DNAH11: variants seen among roughly 807,000 people sequenced by gnomAD.
DNAH11 encodes the protein axonemal beta dynein heavy chain 11.
Under a neutral mutation model 526.0 loss-of-function variants are expected in DNAH11, and 442 were observed. The ratio of observed to expected loss-of-function variants is 0.84; its 90% CI spans 0.78 to 0.91. The LOEUF (loss-of-function observed/expected upper bound fraction) is 0.91. Among genes scored for constraint, DNAH11 ranks in the 40% least tolerant of loss-of-function variants. The pLI is 0.00. For missense variants in DNAH11, 6,989 were observed against 5,448.7 expected (o/e 1.28, Z -8.90); for synonymous variants, 2,461 against 1,935.9 (o/e 1.27, Z -7.12).
intron 68 of DNAH11, among the ~76,000 whole-genome samples, chr7:21,859,535 A>T (rs1782976811): frequency 6.6e-6 from 1 of 152,244 alleles, no homozygotes; most frequent in African/African-American, 2.4e-5. Flanking sequence ...AGCATTTCAG[A>T]TAAGACATAT....
chr7:21,745,204 A>T (rs1583652857), intron 51 of DNAH11, 141 bp downstream of exon 51: 1 of 895,060 alleles, frequency 1.1e-6, no homozygotes, highest in East Asian at 2.8e-5. Flanking sequence ...TAAAATATAA[A>T]AGGGTCGCTT....
intron 56 of DNAH11, among the ~76,000 whole-genome samples, chr7:21,777,897 G>A (rs540592636): frequency 2.8e-4 from 43 of 152,264 alleles, no homozygotes; most frequent in Middle Eastern, 6.8e-3. Flanking sequence ...ATGGGGCGTC[G>A]TTCCACAAGA....
At chr7:21,840,955 G>A (rs904216407) in intron 65 of DNAH11, among the ~76,000 whole-genome samples, 7 of 152,192 alleles carry the variant, frequency 4.6e-5, no homozygotes, top group Non-Finnish European at 7.3e-5. Context: ...GCCAAGGCGG[G>A]TGGATCACCT....
In DNAH11 at chr7:21,761,076, C is replaced by A. The variant is rs183109014; in HGVS notation, c.8941-4352C>A. On this transcript the variant is annotated intron_variant, in intron 54 of 81. Transcript: ENST00000409508. ...TCCTTGTGACAACTGGGGTTTACTT[C>A]AGGTTATCTGTAAAGTCGTGTAAAC... Among the ~76,000 whole-genome samples the A allele has an allele frequency of 3.7e-3, 566 of 152,212 alleles. 15 individuals are homozygous for A. Among genetic ancestry groups the A allele is most frequent in the Admixed American group, 0.033 (502 of 15,282 alleles).
intron 48 of DNAH11, among the ~76,000 whole-genome samples, chr7:21,740,047 G>C (rs9639395): frequency 3.3e-5 from 5 of 151,872 alleles, no homozygotes; most frequent in Non-Finnish European, 7.4e-5. Flanking sequence ...TGTATTATAC[G>C]TTCCAGGGGC....
At chr7:21,835,377 A>C (rs559554134) in intron 65 of DNAH11, among the ~76,000 whole-genome samples, 25 of 152,284 alleles carry the variant, frequency 1.6e-4, no homozygotes, top group African/African-American at 6.0e-4. Flanking sequence ...AAATAAAACC[A>C]ATCAAAATTC....
At chr7:21,665,979 A>G (rs1199382981) in intron 30 of DNAH11, among the ~76,000 whole-genome samples, 1 of 152,118 alleles carries the variant, frequency 6.6e-6, no homozygotes, top group Non-Finnish European at 1.5e-5. Flanking sequence ...TGTGCTTTTA[A>G]TTAAAATTAT....
chr7:21,802,872 C>A (rs1235605097), intron 62 of DNAH11, among the ~76,000 whole-genome samples: 1 of 151,532 alleles, frequency 6.6e-6, no homozygotes, highest in Non-Finnish European at 1.5e-5. Flanking sequence ...CTACTGGATA[C>A]ATGGTTTCTC....
chr7:21,894,581 C>T (rs944734630), intron 77 of DNAH11, 42 bp from the exon 78 acceptor site: 1 of 1,594,570 alleles, frequency 6.3e-7, no homozygotes, highest in Admixed American at 1.7e-5. Flanking sequence ...ATGACGAAAA[C>T]TGAAATAGAA....
At chr7:21,617,920 G>C (rs1027862976) in intron 23 of DNAH11, 143 bp downstream of exon 23, 4 of 983,020 alleles carry the variant, frequency 4.1e-6, no homozygotes, top group Non-Finnish European at 5.6e-6. Flanking sequence ...CCTTTTTGCT[G>C]TCTAGAAAAA....
intron 40 of DNAH11, among the ~76,000 whole-genome samples, chr7:21,710,212 A>G (rs1784409241): frequency 6.6e-6 from 1 of 152,222 alleles, no homozygotes; most frequent in African/African-American, 2.4e-5. Flanking sequence ...ATGTGTATGA[A>G]GAAGGATCAT....
chr7:21,569,604 A>G (rs1783802004), intron 6 of DNAH11, among the ~76,000 whole-genome samples: 1 of 152,198 alleles, frequency 6.6e-6, no homozygotes, highest in South Asian at 2.1e-4. Context: ...ACTTGAAAGA[A>G]TTTCCACTGT....
chr7:21,688,048 C>G (rs1200406014), intron 34 of DNAH11, among the ~76,000 whole-genome samples: 2 of 152,270 alleles, frequency 1.3e-5, no homozygotes, highest in East Asian at 3.9e-4. Flanking sequence ...GGAGACAGAG[C>G]AAGACCCTTT....
In DNAH11 at chr7:21,720,841, C is replaced by T; in HGVS notation, c.7251C>T (p.Thr2417=). 1 of 1,612,702 alleles carries T rather than the reference C, an allele frequency of 6.2e-7. No homozygotes were observed. The highest frequency in any genetic ancestry group is 8.5e-7 in the Non-Finnish European group (1 of 1,179,306). ...VFACIWAFGG[T]LLQDQISDYQ... ...CTTGTATCTGGGCTTTTGGAGGCAC[C>T]CTGCTACAAGATCAGGTATGTTTAG... Residue 2417 remains threonine (T), a synonymous_variant, in exon 44 of 82, where the codon ACC becomes ACT. Transcript: ENST00000409508.
chr7:21,708,350 G>A (rs1413391029), intron 40 of DNAH11, among the ~76,000 whole-genome samples: 6 of 152,178 alleles, frequency 3.9e-5, no homozygotes, highest in Non-Finnish European at 8.8e-5. Flanking sequence ...CAACCTCACA[G>A]CGAATCCTAT....
intron 67 of DNAH11, 98 bp from the exon 68 acceptor site, chr7:21,854,217 C>G: frequency 1.5e-6 from 2 of 1,314,860 alleles, no homozygotes; most frequent in Non-Finnish European, 2.1e-6. Context: ...TTTTAATACT[C>G]ATAATTTTTC....
intron 31 of DNAH11, 47 bp from the exon 32 acceptor site, chr7:21,683,737 C>G (rs577337071): frequency 6.8e-7 from 1 of 1,472,912 alleles, no homozygotes; most frequent in East Asian, 2.3e-5. Flanking sequence ...AACTTGTTGC[C>G]CCAAACTACC....
At chr7:21,563,910 G>A (rs1018732603) in intron 5 of DNAH11, among the ~76,000 whole-genome samples, 2 of 152,130 alleles carry the variant, frequency 1.3e-5, no homozygotes, top group Non-Finnish European at 2.9e-5. Context: ...TTAGACTCCA[G>A]GGGTATTTTC....
intron 45 of DNAH11, among the ~76,000 whole-genome samples, chr7:21,731,718 T>C (rs1785395658): frequency 1.3e-5 from 2 of 152,208 alleles, no homozygotes; most frequent in South Asian, 4.1e-4. Context: ...AAGCAATTTA[T>C]AAGTTAAATT....
Sources: gnomAD v4.1 joint callset for allele counts (sites outside exome capture counted in the v4.1 genomes callset) on GRCh38, gnomAD v4.1.1 for gene constraint, MANE v1.5 for transcripts, NCBI Gene and HGNC (gene_info 2026-07-23, HGNC 2026-07-21) for gene names.